RBFOX1: variants seen among roughly 807,000 people sequenced by gnomAD.
The protein encoded by RBFOX1 is RNA binding fox-1 homolog 1.
In RBFOX1, 8 loss-of-function variants were observed where a neutral mutation model predicts 57.7. The ratio of observed to expected loss-of-function variants is 0.14; its 90% CI spans 0.08 to 0.25. The LOEUF is 0.25. Ranked by LOEUF, RBFOX1 falls within the 10% of genes least tolerant of loss-of-function variation. The pLI is 1.00. For missense variants in RBFOX1, 611 were observed against 548.5 expected, an observed-to-expected ratio of 1.11 and a Z score of -1.14; for synonymous variants, 326 against 222.4, an observed-to-expected ratio of 1.47 and a Z score of -4.15.
At chr16:6,294,263 C>T (rs904493046) in intron 1 of RBFOX1, among the ~76,000 whole-genome samples, 3 of 152,126 alleles carry the variant, frequency 2.0e-5, no homozygotes, top group Admixed American at 1.3e-4. Flanking sequence ...TGGGTGGGGC[C>T]TGGGGAGAGC....
chr16:5,445,023 T>C (rs1567520365), intron 1 of RBFOX1, among the ~76,000 whole-genome samples: 1 of 152,168 alleles, frequency 6.6e-6, no homozygotes, highest in African/African-American at 2.4e-5. Flanking sequence ...GTTTTTCTTC[T>C]GGTGGGCTTT....
intron 2 of RBFOX1, among the ~76,000 whole-genome samples, chr16:6,323,686 A>G (rs74580743): frequency 6.6e-6 from 1 of 152,116 alleles, no homozygotes; most frequent in South Asian, 2.1e-4. Flanking sequence ...CATTATTTAT[A>G]TGTTTATTAA....
intron 6 of RBFOX1, among the ~76,000 whole-genome samples, chr16:7,580,270 C>T (rs748774306): frequency 1.3e-5 from 2 of 152,146 alleles, no homozygotes; most frequent in South Asian, 2.1e-4. Context: ...AAATACACAT[C>T]GAGTCCTCTT....
intron 1 of RBFOX1, among the ~76,000 whole-genome samples, chr16:6,176,465 T>A (rs2097010756): frequency 6.6e-6 from 1 of 151,736 alleles, no homozygotes; most frequent in African/African-American, 2.4e-5. Flanking sequence ...AGCCTCAGGA[T>A]TGAGGAATTT....
intron 3 of RBFOX1, among the ~76,000 whole-genome samples, chr16:7,037,690 C>G (rs1014052195): frequency 6.6e-6 from 1 of 152,128 alleles, no homozygotes; most frequent in Non-Finnish European, 1.5e-5. Context: ...ATGTGATGAC[C>G]CTGTGGGGCA....
chr16:5,745,925 A>G (rs2052963311), intron 3 of RBFOX1, among the ~76,000 whole-genome samples: 1 of 152,160 alleles, frequency 6.6e-6, no homozygotes, highest in Non-Finnish European at 1.5e-5. Flanking sequence ...TTTGCTGTGC[A>G]GAAGCTCTTT....
At chr16:6,780,357 A>ATATATTTTTATATATATT (rs2080669495) in intron 3 of RBFOX1, among the ~76,000 whole-genome samples, 4 of 100,144 alleles carry the variant, frequency 4.0e-5, no homozygotes, top group Non-Finnish European at 6.8e-5. Flanking sequence ...ATACATATTT[A>ATATATTTTTATATATATT]TATACATATT....
At chr16:6,839,938 C>T (rs1567500204) in intron 3 of RBFOX1, among the ~76,000 whole-genome samples, 1 of 152,206 alleles carries the variant, frequency 6.6e-6, no homozygotes, top group East Asian at 1.9e-4. Context: ...TTTGCTTTAA[C>T]GTATGATGAG....
At chr16:6,508,823 T>A (rs2096181105) in intron 2 of RBFOX1, among the ~76,000 whole-genome samples, 1 of 151,264 alleles carries the variant, frequency 6.6e-6, no homozygotes, top group African/African-American at 2.4e-5. Context: ...ACAAAAGTAA[T>A]CACGGTAAAA....
intron 11 of RBFOX1, among the ~76,000 whole-genome samples, chr16:7,634,239 A>G (rs539927179): frequency 3.3e-5 from 5 of 152,314 alleles, no homozygotes; most frequent in African/African-American, 9.6e-5. Context: ...TCTGTTTAAC[A>G]GCTGTGCTCC....
At chr16:7,500,538 C>T (rs2070398340) in intron 4 of RBFOX1, among the ~76,000 whole-genome samples, 1 of 152,162 alleles carries the variant, frequency 6.6e-6, no homozygotes, top group Non-Finnish European at 1.5e-5. Context: ...ATTGTTGTAG[C>T]TAGACTTGTC....
chr16:6,225,537 G>C (rs567283457), intron 1 of RBFOX1, among the ~76,000 whole-genome samples: 10 of 152,138 alleles, frequency 6.6e-5, no homozygotes, highest in South Asian at 6.2e-4. Flanking sequence ...TTTCCCCCAG[G>C]GTTTTAAAAT....
chr16:6,755,615 C>T (rs1047187666), intron 3 of RBFOX1, among the ~76,000 whole-genome samples: 1 of 152,166 alleles, frequency 6.6e-6, no homozygotes, highest in African/African-American at 2.4e-5. Flanking sequence ...TCATGAAGAA[C>T]TGTGGCTCTT....
chr16:6,513,974 C>T lies in RBFOX1; in HGVS notation c.-63-140629C>T, dbSNP rs1203833460. Among the ~76,000 whole-genome samples the T allele has an allele frequency of 2.0e-5, 3 of 152,132 alleles. No homozygotes were observed. The East Asian group carries it at 5.8e-4, about 29-fold the overall frequency. The stretch of plus-strand genomic sequence containing the variant: ...ATAGGGAAAATAAAGATGGAGGAGG[C>T]TCAACACATGTCCACTGTGCTTTGC... On this transcript the variant is annotated intron_variant, in intron 2 of 15. Coordinates refer to ENST00000550418, the MANE Select transcript of RBFOX1 (RefSeq NM_018723.4).
In RBFOX1 at chr16:7,050,935, G is replaced by A. The variant is rs191899103; in HGVS notation, c.-15-1122G>A. On this transcript the variant is annotated intron_variant, in intron 3 of 15. Transcript: ENST00000550418. ...AAAAGCACTGATTTATAGATTTGGGGCTCTGGTGCATCCTTAAGTAAATAT... is the reference window on the plus strand; with the variant it reads ...AAAAGCACTGATTTATAGATTTGGGACTCTGGTGCATCCTTAAGTAAATAT... Among the ~76,000 whole-genome samples the A allele has an allele frequency of 1.2e-3, 179 of 152,086 alleles. 1 individual carries two copies. Among genetic ancestry groups the A allele is most frequent in the African/African-American group, 3.3e-3 (137 of 41,484 alleles).
At chr16:6,179,441 CCT>C (rs1325597441) in intron 1 of RBFOX1, among the ~76,000 whole-genome samples, 1 of 152,120 alleles carries the variant, frequency 6.6e-6, no homozygotes, top group Non-Finnish European at 1.5e-5. Context: ...GTACTGGAGA[CCT>C]GACCCCATGT....
chr16:6,886,757 AAAAACAAAAACAAAAC>A (rs1374272561), intron 3 of RBFOX1, among the ~76,000 whole-genome samples: 2 of 29,192 alleles, frequency 6.9e-5, no homozygotes, highest in Non-Finnish European at 1.9e-4. Context: ...TCTATCTGAA[AAAAACAAAAACAAAAC>A]AAAACAAAAC....
intron 4 of RBFOX1, among the ~76,000 whole-genome samples, chr16:7,256,571 G>A (rs1270322216): frequency 6.6e-6 from 1 of 151,946 alleles, no homozygotes; most frequent in Non-Finnish European, 1.5e-5. Context: ...TTTATACCAT[G>A]TAAACTGTGT....
At chr16:6,852,484 T>A (rs2094124080) in intron 3 of RBFOX1, among the ~76,000 whole-genome samples, 1 of 152,308 alleles carries the variant, frequency 6.6e-6, no homozygotes, top group Admixed American at 6.5e-5. Context: ...TTAGGGTAAG[T>A]GTGAGAACAG....
Sources: allele counts gnomAD v4.1 joint callset (sites outside exome capture counted in the v4.1 genomes callset), GRCh38; gene constraint gnomAD v4.1.1; transcripts MANE v1.5; gene names NCBI Gene and HGNC (gene_info 2026-07-23, HGNC 2026-07-21).